The following USP32 variants were observed in gnomAD, a reference collection of about 807,000 sequenced individuals.
USP32 encodes ubiquitin carboxyl-terminal hydrolase 32.
Under a neutral mutation model 204.8 loss-of-function variants are expected in USP32, and 59 were observed. The ratio of observed to expected loss-of-function variants is 0.29; its 90% confidence interval spans 0.23 to 0.36. The LOEUF (loss-of-function observed/expected upper bound fraction) is 0.36. Ranked by LOEUF, USP32 falls within the 10% of genes least tolerant of loss-of-function variation. USP32 has a pLI of 1.00. For missense variants in USP32, 1,160 were observed against 1,946.4 expected, an observed-to-expected ratio of 0.60 and a Z score of 7.60; for synonymous variants, 517 against 678.4, an observed-to-expected ratio of 0.76 and a Z score of 3.70.
At chr17:60,184,573 C>T (rs1323600891) in intron 30 of USP32, among the ~76,000 whole-genome samples, 5 of 152,034 alleles carry the variant, frequency 3.3e-5, no homozygotes, top group African/African-American at 1.2e-4. Context: ...CTTTGGGAGG[C>T]CAAGGTGGGC....
chr17:60,362,568 C>T (rs758108145), intron 1 of USP32, among the ~76,000 whole-genome samples: 7 of 152,162 alleles, frequency 4.6e-5, no homozygotes, highest in Non-Finnish European at 1.0e-4. Context: ...TATACTTAAA[C>T]GCTGCAGGAG....
At chr17:60,317,747 T>C (rs527270365) in intron 2 of USP32, among the ~76,000 whole-genome samples, 1 of 151,584 alleles carries the variant, frequency 6.6e-6, no homozygotes, top group South Asian at 2.1e-4. Flanking sequence ...GCCTGGGAGA[T>C]TGAGGTACCA....
rs564351459 is a variant in USP32 at position 60,358,966 on chromosome 17, C to A, written c.59-13358G>T. Among the ~76,000 whole-genome samples the A allele has an allele frequency of 5.9e-5, 9 of 152,276 alleles. No individual in the cohort carries two copies. In the East Asian group the frequency reaches 1.5e-3, roughly 26 times the overall value. Reference sequence around the variant, plus strand: ...AAAATTTAAAATGCAAACCTTAGAACCAGAAGGTAGAGACACACGAGAGGT... The same window carrying A: ...AAAATTTAAAATGCAAACCTTAGAAACAGAAGGTAGAGACACACGAGAGGT... On this transcript the variant is annotated intron_variant, in intron 1 of 33. Transcript: ENST00000300896.
chr17:60,269,953 A>T (rs888222303), intron 6 of USP32, among the ~76,000 whole-genome samples: 11 of 152,216 alleles, frequency 7.2e-5, no homozygotes, highest in Non-Finnish European at 1.2e-4. Flanking sequence ...TGAACTGCTT[A>T]TTAAATGAAT....
intron 5 of USP32, among the ~76,000 whole-genome samples, chr17:60,272,611 T>C (rs1294364074): frequency 1.3e-5 from 2 of 152,184 alleles, no homozygotes; most frequent in African/African-American, 2.4e-5. Context: ...GTATGAAATA[T>C]ATAAAACTAT....
At position 60,179,085 on chromosome 17, in the gene USP32, T is replaced by A. The variant is rs1225236151; in HGVS notation, c.*170A>T. On this transcript the variant is annotated 3_prime_UTR_variant, in exon 34 of 34. Coordinates refer to ENST00000300896, the MANE Select transcript of USP32 (RefSeq NM_032582.4). ...TGTATGAGACTTCAAAATAAAATGA[T>A]TACTACTCTTAAAGTTAACTATTTT... The A allele has an allele frequency of 5.9e-5, 45 of 760,198 alleles. No homozygotes were observed. In the South Asian group the frequency reaches 8.4e-4, roughly 14 times the overall value. The allele number at this position is 760,198 out of a possible 1,614,324, so 47.1% of individuals were successfully genotyped here.
In USP32 at chr17:60,301,610, T is replaced by G; in HGVS notation, c.281A>C (p.Glu94Ala). The G allele has an allele frequency of 6.3e-7, 1 of 1,583,942 alleles. No individual in the cohort carries two copies. Residue 94 changes from glutamate to alanine, a missense_variant, in exon 3 of 34, where the codon GAG becomes GCG. By Grantham distance (107) the Glu-to-Ala change is moderately radical. Around this residue, in one of 8 missense-constraint regions of USP32, gnomAD observed 536 missense variants for 680.9 expected, o/e 0.79. Transcript: ENST00000300896. The stretch of plus-strand genomic sequence containing the variant: ...ATAAAAGTACTTACATTTTGCTTTC[T>G]CTTCATCTTTGCCTCTTGTAAGGAG... ...LVLLTRGKDE[E>A]KAKYIFSLFS...
Position 60,241,434 on chromosome 17 carries a change from AT to A in USP32, c.1137-5195del, listed in dbSNP as rs576436207. Among the ~76,000 whole-genome samples the A allele has an allele frequency of 2.5e-4, 35 of 138,852 alleles. 1 individual carries two copies. The South Asian group carries it at 4.0e-3, about 16-fold the overall frequency. 91.1% of individuals were successfully genotyped at this position (138,852 alleles called of 152,430 possible). A position where few individuals can be genotyped will look rare whatever the true frequency, so the allele number is the denominator to read the frequency against. On this transcript the variant is annotated intron_variant, in intron 11 of 33. Coordinates refer to ENST00000300896, the MANE Select transcript of USP32 (RefSeq NM_032582.4). ...ATATACAGGCTTTTAAAAAATTATT[AT>A]TTTTTTTATAATTTTTTAAATCAAC...
Position 60,219,752 on chromosome 17 carries a change from C to G in USP32, c.1785G>C (p.Leu595=), listed in dbSNP as rs776473641. Reference sequence around the variant, plus strand: ...AGAGAAGATAGCGGGGAAATAATTCCAGCTCTGGGATGTCTGTCTTGCTGT... The same window carrying G: ...AGAGAAGATAGCGGGGAAATAATTCGAGCTCTGGGATGTCTGTCTTGCTGT... ...IKNSKTDIPE[L]ELFPRYLLFL... is the part of the protein sequence containing the mutation. The change falls in exon 16 of 34, where the codon CTG becomes CTC. Residue 595 remains leucine (L), a synonymous_variant. Transcript: ENST00000300896. The G allele has an allele frequency of 1.7e-5, 28 of 1,612,682 alleles. No individual in the cohort carries two copies. Among genetic ancestry groups the G allele is most frequent in the Middle Eastern group, 1.6e-4 (1 of 6,072 alleles).
At chr17:60,320,708 A>C (rs896796132) in intron 2 of USP32, among the ~76,000 whole-genome samples, 3 of 152,244 alleles carry the variant, frequency 2.0e-5, no homozygotes, top group African/African-American at 7.2e-5. Flanking sequence ...TGTGCTGCAC[A>C]CAGTTATATA....
At chr17:60,257,039 A>ATGGAGT (rs2086326531) in intron 9 of USP32, 3 of 240,864 alleles carry the variant, frequency 1.2e-5, no homozygotes, top group Non-Finnish European at 2.5e-5. Context: ...CTGTGACATA[A>ATGGAGT]TGGAGTTGAT....
chr17:60,406,945 G>C (rs539082584), intron 1 of USP32, among the ~76,000 whole-genome samples: 1 of 152,156 alleles, frequency 6.6e-6, no homozygotes, highest in Non-Finnish European at 1.5e-5. Flanking sequence ...AGTTAAAAGG[G>C]ACCAGATTAA....
At chr17:60,241,541 T>C (rs760772723) in intron 11 of USP32, among the ~76,000 whole-genome samples, 5 of 151,890 alleles carry the variant, frequency 3.3e-5, no homozygotes, top group South Asian at 2.1e-4. Flanking sequence ...TCTTTATTTT[T>C]CAATGTTTCT....
chr17:60,327,061 G>C (rs957731609), intron 2 of USP32, among the ~76,000 whole-genome samples: 1 of 152,138 alleles, frequency 6.6e-6, no homozygotes, highest in Admixed American at 6.5e-5. Context: ...GCATGCTACA[G>C]CACTATAGGG....
At chr17:60,258,723 GT>G (rs768763479) in intron 9 of USP32, among the ~76,000 whole-genome samples, 2 of 152,178 alleles carry the variant, frequency 1.3e-5, no homozygotes, top group African/African-American at 2.4e-5. Flanking sequence ...CAGTTTGAAT[GT>G]TTACAGGACA....
At position 60,211,350 on chromosome 17, in the gene USP32, G is replaced by A. The variant is rs528256553; in HGVS notation, c.2318+26C>T. ...GGTTTATATCAAAGTCACAGGTTAA[G>A]AGGCCAGTGACTCCAGAAAGATTAC... On this transcript the variant is annotated intron_variant, in intron 20 of 33. Transcript: ENST00000300896. 3.4e-5 allele frequency: 54 copies of A among 1,603,812 alleles called. No homozygotes were observed. In the South Asian group the frequency reaches 5.5e-4, roughly 16 times the overall value.
intron 2 of USP32, among the ~76,000 whole-genome samples, chr17:60,330,174 A>G (rs983150324): frequency 1.3e-5 from 2 of 152,174 alleles, no homozygotes; most frequent in Non-Finnish European, 2.9e-5. Flanking sequence ...TTCTGGTTCA[A>G]TTACTAGGTT....
chr17:60,418,238 G>T (rs565033928), intron 1 of USP32, among the ~76,000 whole-genome samples: 28 of 151,962 alleles, frequency 1.8e-4, no homozygotes, highest in African/African-American at 6.0e-4. Flanking sequence ...GATTACAGGC[G>T]TGAGACCCCT....
intron 1 of USP32, among the ~76,000 whole-genome samples, chr17:60,347,098 T>G (rs1567865410): frequency 2.0e-5 from 3 of 152,106 alleles, no homozygotes; most frequent in Non-Finnish European, 4.4e-5. Flanking sequence ...AGCCTGCTAC[T>G]ACAAGAAAAG....
Sources: allele counts gnomAD v4.1 joint callset (sites outside exome capture counted in the v4.1 genomes callset), GRCh38; gene constraint gnomAD v4.1.1; regional missense constraint gnomAD v4.1.1; transcripts MANE v1.5; gene names NCBI Gene and HGNC (gene_info 2026-07-23, HGNC 2026-07-21).